Variants in AIMP1 observed in about 807,000 individuals in gnomAD.
AIMP1 encodes the protein aminoacyl tRNA synthase complex-interacting multifunctional protein 1.
AIMP1 carries 24 observed loss-of-function variants against 33.1 expected under a neutral mutation model. The ratio of observed to expected loss-of-function variants is 0.73; its 90% confidence interval spans 0.53 to 1.02. AIMP1 has a LOEUF of 1.02. Ranked by LOEUF, AIMP1 falls within the 50% of genes least tolerant of loss-of-function variation. The pLI is 0.00. For synonymous variants in AIMP1, 120 were observed against 121.5 expected (o/e 0.99, Z 0.08); for missense variants, 367 against 364.8 (o/e 1.01, Z -0.05).
chr4:106,342,149 A>AACTTTACTAAATG (rs1282863949), intron 6 of AIMP1, among the ~76,000 whole-genome samples: 1 of 152,208 alleles, frequency 6.6e-6, no homozygotes. Flanking sequence ...TGTATCCAGA[A>AACTTTACTAAATG]ACTTTACTAA....
chr4:106,344,443 C>T (rs1770215960), intron 6 of AIMP1, among the ~76,000 whole-genome samples: 1 of 152,162 alleles, frequency 6.6e-6, no homozygotes, highest in Non-Finnish European at 1.5e-5. Flanking sequence ...ATCTTCTCCT[C>T]AGAAAATCCT....
rs760218404 is a variant in AIMP1 at position 106,337,051 on chromosome 4, A to G, written c.772+14A>G. 84 of 1,609,300 alleles carry G rather than the reference A, an allele frequency of 5.2e-5. No individual in the cohort carries two copies. Among genetic ancestry groups the G allele is most frequent in the Non-Finnish European group, 7.1e-5 (84 of 1,175,896 alleles). On this transcript the variant is annotated intron_variant, in intron 6 of 6. Transcript: ENST00000672341. ...ATGCTTTCCCAGGTAGGTATTTATT[A>G]GTAATTACTTAATAGTTTCGGAATC...
intron 5 of AIMP1, among the ~76,000 whole-genome samples, chr4:106,333,510 C>G (rs1769756322): frequency 6.6e-6 from 1 of 152,160 alleles, no homozygotes; most frequent in East Asian, 1.9e-4. Flanking sequence ...GATTAATTAT[C>G]CGAGCCAGTG....
chr4:106,319,972 T>C (rs1188579391), intron 1 of AIMP1, among the ~76,000 whole-genome samples: 1 of 152,196 alleles, frequency 6.6e-6, no homozygotes, highest in Non-Finnish European at 1.5e-5. Flanking sequence ...TGAGGCAAAT[T>C]AATTTTAATT....
At chr4:106,340,263 TTAAAC>T (rs1292075377) in intron 6 of AIMP1, among the ~76,000 whole-genome samples, 1 of 151,230 alleles carries the variant, frequency 6.6e-6, no homozygotes, top group South Asian at 2.1e-4. Flanking sequence ...TGCAATAAAA[TTAAAC>T]TAAGGTTTTT....
chr4:106,337,089 G>T (rs1466583955), intron 6 of AIMP1, 52 bp downstream of exon 6: 22 of 1,512,384 alleles, frequency 1.5e-5, no homozygotes, highest in East Asian at 9.0e-5. Context: ...TTCTCAAAGT[G>T]ATGTTTGTAA....
At chr4:106,340,282 G>GT (rs11437627) in intron 6 of AIMP1, among the ~76,000 whole-genome samples, 21,022 of 147,410 alleles carry the variant, frequency 0.14, 1,626 homozygotes, top group South Asian at 0.25. Flanking sequence ...GGTTTTTTGG[G>GT]TTTTTTTTTT....
intron 6 of AIMP1, among the ~76,000 whole-genome samples, chr4:106,337,509 C>A (rs571044930): frequency 6.6e-6 from 1 of 152,292 alleles, no homozygotes; most frequent in South Asian, 2.1e-4. Flanking sequence ...TGTCTTCTGC[C>A]ATGATCGTGA....
chr4:106,340,826 AAATGG>A (rs1355651761), intron 6 of AIMP1, among the ~76,000 whole-genome samples: 1 of 152,216 alleles, frequency 6.6e-6, no homozygotes, highest in Admixed American at 6.5e-5. Context: ...TTGCTAGGTC[AAATGG>A]TAGTTCTGTT....
At chr4:106,325,762 G>GT (rs1281748449) in intron 2 of AIMP1, among the ~76,000 whole-genome samples, 1 of 151,862 alleles carries the variant, frequency 6.6e-6, no homozygotes, top group Admixed American at 6.6e-5. Flanking sequence ...TAGGATGAAT[G>GT]TTTTATAAAA....
At chr4:106,317,431 G>GCGTT (rs1768994192) in intron 1 of AIMP1, among the ~76,000 whole-genome samples, 1 of 152,210 alleles carries the variant, frequency 6.6e-6, no homozygotes, top group South Asian at 2.1e-4. Context: ...GTTTTGAGCA[G>GCGTT]TAGAGTGATG....
rs367813302 is a variant in AIMP1 at position 106,328,211 on chromosome 4, A to G, written c.359A>G (p.Glu120Gly). 1.9e-4 allele frequency: 307 copies of G among 1,611,802 alleles called. 1 individual carries two copies. Among genetic ancestry groups the G allele is most frequent in the Non-Finnish European group, 2.4e-4 (284 of 1,178,502 alleles). Reference sequence around the variant, plus strand: ...CAGATAAAAGGAGGAACAGGAGACGAAAAGAAAGCGAAAGAGAAAATTGAA... The same window carrying G: ...CAGATAAAAGGAGGAACAGGAGACGGAAAGAAAGCGAAAGAGAAAATTGAA... ...KEQIKGGTGDEKKAKEKIEKK... is the reference protein window; with the variant it reads ...KEQIKGGTGDGKKAKEKIEKK... Residue 120 changes from glutamate (E) to glycine (G), a missense_variant, in exon 4 of 7, where the codon GAA (glutamate) becomes GGA (glycine). Physicochemically the swap from Glu to Gly is moderately conservative, Grantham distance 98. Coordinates refer to ENST00000672341, the MANE Select transcript of AIMP1 (RefSeq NM_001142416.2).
chr4:106,326,310 A>G (rs1218130893), intron 2 of AIMP1, among the ~76,000 whole-genome samples: 1 of 152,234 alleles, frequency 6.6e-6, no homozygotes. Context: ...CAAATTTATG[A>G]TAGGCCACTA....
At position 106,331,780 on chromosome 4, in the gene AIMP1, A is replaced by G. The variant is rs1276868363; in HGVS notation, c.500A>G (p.Lys167Arg). ...LRIGCIITAR[K>R]HPDADSLYVE... Reference sequence around the variant, plus strand: ...ATTGGTTGCATCATAACTGCTAGAAAACACCCTGATGCAGATTCTTTGTAT... The same window carrying G: ...ATTGGTTGCATCATAACTGCTAGAAGACACCCTGATGCAGATTCTTTGTAT... Residue 167 changes from lysine (K) to arginine (R), a missense_variant, in exon 5 of 7, where the codon AAA becomes AGA. Physicochemically the swap from Lys to Arg is conservative, Grantham distance 26. Transcript: ENST00000672341. 12 of 1,614,110 alleles carry G rather than the reference A, an allele frequency of 7.4e-6. No homozygotes were observed. The highest frequency in any genetic ancestry group is 1.7e-5 in the Admixed American group (1 of 60,012).
rs117340072 is a variant in AIMP1 at position 106,339,411 on chromosome 4, A to G, written c.772+2374A>G. Reference sequence around the variant, plus strand: ...GGGTTTTTCCTGTGCTGTTCTCATGATAGTGAAAAAGTCTCATGAGAGCTG... The same window carrying G: ...GGGTTTTTCCTGTGCTGTTCTCATGGTAGTGAAAAAGTCTCATGAGAGCTG... On this transcript the variant is annotated intron_variant, in intron 6 of 6. Transcript: ENST00000672341. Among the ~76,000 whole-genome samples the G allele has an allele frequency of 4.0e-3, 602 of 152,178 alleles. 8 individuals are homozygous for G. Among genetic ancestry groups the G allele is most frequent in the East Asian group, 0.029 (150 of 5,150 alleles).
At chr4:106,344,565 T>C (rs1770223049) in intron 6 of AIMP1, among the ~76,000 whole-genome samples, 1 of 152,218 alleles carries the variant, frequency 6.6e-6, no homozygotes, top group South Asian at 2.1e-4. Flanking sequence ...TTCTAACTTA[T>C]CATCCTGCTT....
intron 6 of AIMP1, among the ~76,000 whole-genome samples, chr4:106,337,271 T>G (rs1459912969): frequency 3.3e-5 from 5 of 152,194 alleles, no homozygotes; most frequent in African/African-American, 1.2e-4. Context: ...TGATATGGTT[T>G]GACTATGTCC....
At chr4:106,336,777 T>C (rs1769901267) in intron 5 of AIMP1, 92 bp from the exon 6 acceptor site, 2 of 1,189,192 alleles carry the variant, frequency 1.7e-6, no homozygotes, top group African/African-American at 3.0e-5. Flanking sequence ...GAACATTTGA[T>C]ACTTAGCATA....
chr4:106,320,496 G>GTC (rs898776564), intron 1 of AIMP1, among the ~76,000 whole-genome samples: 7 of 152,234 alleles, frequency 4.6e-5, no homozygotes, highest in African/African-American at 1.7e-4. Context: ...GTAGTAAAGT[G>GTC]TCTGTCTGTC....
Sources: gnomAD v4.1 joint callset for allele counts (sites outside exome capture counted in the v4.1 genomes callset) on GRCh38, gnomAD v4.1.1 for gene constraint, MANE v1.5 for transcripts, NCBI Gene and HGNC (gene_info 2026-07-23, HGNC 2026-07-21) for gene names.